The following PTPRD variants were observed in gnomAD, a reference collection of about 807,000 sequenced individuals.
PTPRD encodes the protein receptor-type tyrosine-protein phosphatase delta.
PTPRD carries 34 observed loss-of-function variants against 214.5 expected under a neutral mutation model. The ratio of observed to expected loss-of-function variants is 0.16; its 90% CI spans 0.12 to 0.21. The LOEUF (loss-of-function observed/expected upper bound fraction) is 0.21, where lower values mean the gene tolerates loss of function less well. Ranked by LOEUF, PTPRD falls within the 10% of genes least tolerant of loss-of-function variation. The probability of loss-of-function intolerance (pLI) is 1.00; values close to 1 mark genes in which losing one functional copy is unlikely to be tolerated. For missense variants in PTPRD, 2,545 were observed against 2,398.7 expected (o/e 1.06, Z -1.27); for synonymous variants, 1,128 against 845.7 (o/e 1.33, Z -5.79).
At chr9:9,090,844 T>C (rs905346146) in intron 10 of PTPRD, 1 of 788,488 alleles carries the variant, frequency 1.3e-6, no homozygotes, top group Non-Finnish European at 2.3e-6. Flanking sequence ...CCATTGACAA[T>C]GATGACAGGT....
intron 3 of PTPRD, among the ~76,000 whole-genome samples, chr9:10,174,585 AT>A (rs147404116): frequency 4.0e-5 from 6 of 151,608 alleles, no homozygotes; most frequent in East Asian, 1.9e-4. Context: ...TCAACGAAAG[AT>A]TTTTTTTTCC....
intron 5 of PTPRD, among the ~76,000 whole-genome samples, chr9:9,912,347 G>C (rs768704710): frequency 1.3e-5 from 2 of 152,096 alleles, no homozygotes; most frequent in Non-Finnish European, 2.9e-5. Flanking sequence ...CCAAAATTTA[G>C]AGTCAACTCA....
At position 10,565,800 on chromosome 9, in the gene PTPRD, T is replaced by C. The variant is rs1374502979; in HGVS notation, c.-600+46598A>G. On this transcript the variant is annotated intron_variant, in intron 2 of 45. Coordinates refer to ENST00000381196, the MANE Select transcript of PTPRD (RefSeq NM_002839.4). Reference sequence around the variant, plus strand: ...CTCTGGCACACATTTACTTCATCACTTTTTCCTTGTTAATATACAGAAAAA... The same window carrying C: ...CTCTGGCACACATTTACTTCATCACCTTTTCCTTGTTAATATACAGAAAAA... 2.0e-5 allele frequency among the ~76,000 whole-genome samples: 3 copies of C among 151,938 alleles called. No homozygotes were observed. The East Asian group carries it at 5.8e-4, about 29-fold the overall frequency.
At chr9:8,659,422 A>C (rs995404282) in intron 12 of PTPRD, among the ~76,000 whole-genome samples, 2 of 152,204 alleles carry the variant, frequency 1.3e-5, no homozygotes, top group Admixed American at 6.5e-5. Context: ...CCAGATTCCA[A>C]CCTGTTGTTA....
intron 10 of PTPRD, among the ~76,000 whole-genome samples, chr9:9,052,539 G>T (rs1296952687): frequency 6.6e-6 from 1 of 152,168 alleles, no homozygotes; most frequent in Non-Finnish European, 1.5e-5. Context: ...AGGTATGTTA[G>T]TGCAATGAAG....
chr9:9,012,525 C>T (rs532646993), intron 11 of PTPRD, among the ~76,000 whole-genome samples: 14 of 152,052 alleles, frequency 9.2e-5, no homozygotes, highest in African/African-American at 1.9e-4. Flanking sequence ...ATTCCATAGG[C>T]GGTATAAGTG....
At chr9:10,355,020 C>A (rs899840263) in intron 2 of PTPRD, among the ~76,000 whole-genome samples, 1 of 152,050 alleles carries the variant, frequency 6.6e-6, no homozygotes, top group Non-Finnish European at 1.5e-5. Flanking sequence ...TGTATTATTT[C>A]TCTTAAATAA....
chr9:9,269,440 A>G (rs1006128285), intron 9 of PTPRD, among the ~76,000 whole-genome samples: 1 of 138,206 alleles, frequency 7.2e-6, no homozygotes, highest in East Asian at 2.2e-4. Flanking sequence ...TGAAAACAAT[A>G]TGGAGGTTCC....
chr9:10,534,685 C>T (rs547558867), intron 2 of PTPRD, among the ~76,000 whole-genome samples: 4 of 152,146 alleles, frequency 2.6e-5, no homozygotes, highest in South Asian at 2.1e-4. Flanking sequence ...AGGTTTCCAA[C>T]GGCAAATGCT....
intron 8 of PTPRD, chr9:9,414,890 A>C (rs904480718): frequency 1.3e-5 from 2 of 152,208 alleles, no homozygotes; most frequent in African/African-American, 4.8e-5. Context: ...TTAAAAGATA[A>C]TTACCTGCTG....
chr9:10,169,827 C>G (rs1253758402), intron 3 of PTPRD, among the ~76,000 whole-genome samples: 1 of 151,952 alleles, frequency 6.6e-6, no homozygotes, highest in Non-Finnish European at 1.5e-5. Context: ...AGTAGACATG[C>G]AAAGAAATAA....
intron 33 of PTPRD, among the ~76,000 whole-genome samples, chr9:8,460,038 AC>A (rs1649254305): frequency 6.6e-6 from 1 of 152,154 alleles, no homozygotes; most frequent in African/African-American, 2.4e-5. Flanking sequence ...GTTTCAAAAA[AC>A]ACACTGAAAT....
intron 2 of PTPRD, among the ~76,000 whole-genome samples, chr9:10,446,331 T>C (rs992493374): frequency 6.6e-6 from 1 of 151,852 alleles, no homozygotes; most frequent in Non-Finnish European, 1.5e-5. Context: ...CCATGGAATA[T>C]TCAAAGGAGT....
intron 14 of PTPRD, among the ~76,000 whole-genome samples, chr9:8,610,892 T>G (rs906937047): frequency 3.9e-5 from 6 of 152,212 alleles, no homozygotes; most frequent in Non-Finnish European, 5.9e-5. Flanking sequence ...AAAAATAACT[T>G]TACTAGCCAG....
chr9:8,339,098 C>A (rs774006217), intron 42 of PTPRD, 51 bp from the exon 43 acceptor site: 2 of 1,541,084 alleles, frequency 1.3e-6, no homozygotes, highest in Non-Finnish European at 1.8e-6. Context: ...AAAGAACATT[C>A]TGTATATTAT....
At chr9:9,496,805 T>C (rs1039828947) in intron 8 of PTPRD, among the ~76,000 whole-genome samples, 1 of 152,186 alleles carries the variant, frequency 6.6e-6, no homozygotes, top group African/African-American at 2.4e-5. Context: ...TATACACCCA[T>C]GTTTAGTGGC....
intron 9 of PTPRD, among the ~76,000 whole-genome samples, chr9:9,239,214 A>G (rs2099969028): frequency 1.3e-5 from 2 of 151,540 alleles, no homozygotes; most frequent in South Asian, 2.1e-4. Flanking sequence ...AAAAAAAACC[A>G]CAAGTATTCT....
At chr9:8,900,394 T>C (rs927742532) in intron 11 of PTPRD, among the ~76,000 whole-genome samples, 1 of 152,188 alleles carries the variant, frequency 6.6e-6, no homozygotes. Context: ...TTTTAATTGC[T>C]CATCTAAAAA....
intron 2 of PTPRD, among the ~76,000 whole-genome samples, chr9:10,583,052 G>T (rs1043299881): frequency 6.6e-6 from 1 of 152,206 alleles, no homozygotes; most frequent in Admixed American, 6.5e-5. Context: ...GGATGATAAA[G>T]TCTGGGAGTG....
Sources: gnomAD v4.1 joint callset for allele counts (sites outside exome capture counted in the v4.1 genomes callset) on GRCh38, gnomAD v4.1.1 for gene constraint, MANE v1.5 for transcripts, NCBI Gene and HGNC (gene_info 2026-07-23, HGNC 2026-07-21) for gene names.